Variants in NCAM2 observed in about 807,000 individuals in gnomAD.
NCAM2 encodes the protein neural cell adhesion molecule 2.
NCAM2 carries 30 observed loss-of-function variants against 98.1 expected under a neutral mutation model. That is an observed-to-expected ratio of 0.31 (90% CI 0.23 to 0.41). The LOEUF (loss-of-function observed/expected upper bound fraction) is 0.41. Among genes scored for constraint, NCAM2 ranks in the 10% least tolerant of loss-of-function variants. The pLI is 1.00. For synonymous variants in NCAM2, 368 were observed against 342.4 expected, an observed-to-expected ratio of 1.07 and a Z score of -0.83; for missense variants, 867 against 1,005.8, an observed-to-expected ratio of 0.86 and a Z score of 1.87.
At chr21:21,259,052 T>C (rs2071785067) in intron 1 of NCAM2, among the ~76,000 whole-genome samples, 1 of 152,068 alleles carries the variant, frequency 6.6e-6, no homozygotes, top group African/African-American at 2.4e-5. Flanking sequence ...AAGCAGTGGT[T>C]CTCCCCCTGA....
At chr21:21,243,410 T>C (rs573451798) in intron 1 of NCAM2, among the ~76,000 whole-genome samples, 3 of 152,330 alleles carry the variant, frequency 2.0e-5, no homozygotes, top group Admixed American at 6.5e-5. Context: ...TTATTACTGA[T>C]TGAAATGTGT....
chr21:21,428,631 T>C (rs2077265127), intron 11 of NCAM2, among the ~76,000 whole-genome samples: 1 of 151,884 alleles, frequency 6.6e-6, no homozygotes, highest in Non-Finnish European at 1.5e-5. Context: ...ACAGAGGAAA[T>C]GGGAAGGAAG....
intron 1 of NCAM2, among the ~76,000 whole-genome samples, chr21:21,228,503 A>G (rs549839065): frequency 6.6e-6 from 1 of 151,586 alleles, no homozygotes; most frequent in African/African-American, 2.4e-5. Flanking sequence ...ACAATGAAAT[A>G]TTATATACTG....
At chr21:21,529,705 CA>C (rs1321292653) in intron 16 of NCAM2, among the ~76,000 whole-genome samples, 1 of 151,774 alleles carries the variant, frequency 6.6e-6, no homozygotes, top group Non-Finnish European at 1.5e-5. Context: ...TGACATCTGA[CA>C]GGGGCAGAGT....
At position 21,298,971 on chromosome 21, in the gene NCAM2, A is replaced by G. The variant is rs375516824; in HGVS notation, c.619+6730A>G. On this transcript the variant is annotated intron_variant, in intron 5 of 17. Transcript: ENST00000400546. ...GGCTGACCTTTGTATGTTGTTCTCT[A>G]AAATTTATTTGATGAGTACAGAAGT... 1.1e-4 allele frequency among the ~76,000 whole-genome samples: 16 copies of G among 151,464 alleles called. No individual in the cohort carries two copies. In the South Asian group the frequency reaches 1.9e-3, roughly 18 times the overall value.
At chr21:21,059,024 G>A (rs1382151327) in intron 1 of NCAM2, among the ~76,000 whole-genome samples, 1 of 151,856 alleles carries the variant, frequency 6.6e-6, no homozygotes, top group Non-Finnish European at 1.5e-5. Context: ...TCTCTGTCTT[G>A]TTTAATATGA....
chr21:21,272,522 A>G (rs1398691677), intron 1 of NCAM2, among the ~76,000 whole-genome samples: 2 of 151,924 alleles, frequency 1.3e-5, no homozygotes, highest in Non-Finnish European at 2.9e-5. Flanking sequence ...ACACACACAC[A>G]CACACACACA....
chr21:21,374,058 CT>C, intron 9 of NCAM2, 45 bp downstream of exon 9: 1 of 1,565,308 alleles, frequency 6.4e-7, no homozygotes, highest in Non-Finnish European at 8.7e-7. Flanking sequence ...ACTTTGCATG[CT>C]TTGAAACATA....
At chr21:21,084,094 TC>T (rs1263164741) in intron 1 of NCAM2, among the ~76,000 whole-genome samples, 1 of 152,200 alleles carries the variant, frequency 6.6e-6, no homozygotes, top group East Asian at 1.9e-4. Context: ...AGGGCTCACT[TC>T]CTGGTTTGTA....
intron 1 of NCAM2, among the ~76,000 whole-genome samples, chr21:21,176,356 G>C (rs947414195): frequency 1.2e-4 from 18 of 152,190 alleles, no homozygotes; most frequent in East Asian, 3.9e-4. Context: ...AAATGAGAGT[G>C]TCATAGCAAC....
At chr21:21,520,340 A>G (rs773086610) in intron 16 of NCAM2, among the ~76,000 whole-genome samples, 54 of 152,258 alleles carry the variant, frequency 3.5e-4, no homozygotes, top group South Asian at 8.3e-4. Context: ...TTACCTACTC[A>G]TATTTATGTA....
chr21:21,465,889 A>C (rs1419352893), intron 12 of NCAM2, among the ~76,000 whole-genome samples: 3 of 152,050 alleles, frequency 2.0e-5, no homozygotes, highest in African/African-American at 4.8e-5. Context: ...TGAAATCTAT[A>C]ATTGCATCCA....
chr21:21,164,422 C>G (rs1053227781), intron 1 of NCAM2, among the ~76,000 whole-genome samples: 10 of 152,100 alleles, frequency 6.6e-5, no homozygotes, highest in Non-Finnish European at 1.3e-4. Flanking sequence ...GACTGAATTA[C>G]CTTTGCAAGA....
chr21:21,147,726 T>C (rs2067324855), intron 1 of NCAM2, among the ~76,000 whole-genome samples: 1 of 148,650 alleles, frequency 6.7e-6, no homozygotes, highest in Admixed American at 6.8e-5. Flanking sequence ...CTATATATAA[T>C]ATATAGTAAT....
At chr21:21,008,267 G>T (rs2064146615) in intron 1 of NCAM2, among the ~76,000 whole-genome samples, 2 of 152,114 alleles carry the variant, frequency 1.3e-5, no homozygotes, top group African/African-American at 4.8e-5. Flanking sequence ...ATACTATTTA[G>T]CATAGAAAAA....
chr21:21,147,502 A>C (rs1209334492), intron 1 of NCAM2, among the ~76,000 whole-genome samples: 1 of 151,458 alleles, frequency 6.6e-6, no homozygotes, highest in Non-Finnish European at 1.5e-5. Flanking sequence ...CTCAATATAC[A>C]TACACTAATA....
rs1418929314 is a variant in NCAM2 at position 20,998,443 on chromosome 21, C to T, written c.-121C>T. ...GGAGGAGCGCGCGGGCTGCGGGCGG[C>T]TGGGGCACCGCGGGAGCGGCGGCGG... On this transcript the variant is annotated 5_prime_UTR_variant, in exon 1 of 18. Transcript: ENST00000400546. The T allele has an allele frequency of 3.3e-6, 3 of 896,772 alleles. No homozygotes were observed. Among genetic ancestry groups the T allele is most frequent in the South Asian group, 1.8e-5 (1 of 56,450 alleles). The allele number at this position is 896,772 out of a possible 1,614,324, so 55.6% of individuals were successfully genotyped here. A position where few individuals can be genotyped will look rare whatever the true frequency, so the allele number is the denominator to read the frequency against.
chr21:21,332,787 C>G (rs1457437873), intron 6 of NCAM2, among the ~76,000 whole-genome samples: 2 of 152,292 alleles, frequency 1.3e-5, no homozygotes, highest in East Asian at 3.9e-4. Flanking sequence ...CCTGAAAACT[C>G]TCTTCAGGCA....
intron 1 of NCAM2, among the ~76,000 whole-genome samples, chr21:21,190,727 C>T (rs1184809763): frequency 6.6e-6 from 1 of 152,166 alleles, no homozygotes; most frequent in East Asian, 1.9e-4. Flanking sequence ...CTACTGTTTA[C>T]TCACAGGATG....
Sources: allele counts gnomAD v4.1 joint callset (sites outside exome capture counted in the v4.1 genomes callset), GRCh38; gene constraint gnomAD v4.1.1; transcripts MANE v1.5; gene names NCBI Gene and HGNC (gene_info 2026-07-23, HGNC 2026-07-21).